The following ARFGAP3 variants were observed in gnomAD, a reference collection of about 807,000 sequenced individuals.
ARFGAP3 encodes the protein ADP-ribosylation factor GTPase-activating protein 3.
In ARFGAP3, 72 loss-of-function variants were observed where a neutral mutation model predicts 75.0. The ratio of observed to expected loss-of-function variants is 0.96; its 90% CI spans 0.79 to 1.17. The LOEUF (loss-of-function observed/expected upper bound fraction) is 1.17. ARFGAP3 is among the 50% of genes most tolerant of loss of function. ARFGAP3 has a pLI of 0.00. For synonymous variants in ARFGAP3, 221 were observed against 217.9 expected (o/e 1.01, Z -0.13); for missense variants, 620 against 626.6 (o/e 0.99, Z 0.11).
chr22:42,829,959 A>G (rs1023563504), intron 6 of ARFGAP3, among the ~76,000 whole-genome samples: 3 of 152,200 alleles, frequency 2.0e-5, no homozygotes, highest in Non-Finnish European at 2.9e-5. Context: ...CAAATAACCC[A>G]TTGTTACCTA....
At chr22:42,836,528 T>C (rs1052395975) in intron 3 of ARFGAP3, among the ~76,000 whole-genome samples, 3 of 152,228 alleles carry the variant, frequency 2.0e-5, no homozygotes, top group African/African-American at 7.2e-5. Flanking sequence ...TTTAGCACTA[T>C]TTTATCATTA....
chr22:42,855,156 G>GTGAC (rs1927442061), intron 1 of ARFGAP3, among the ~76,000 whole-genome samples: 1 of 152,194 alleles, frequency 6.6e-6, no homozygotes, highest in African/African-American at 2.4e-5. Flanking sequence ...CTGTCCAAGG[G>GTGAC]TGACATACCT....
At chr22:42,808,401 A>AG (rs1569138053) in intron 13 of ARFGAP3, among the ~76,000 whole-genome samples, 1 of 151,912 alleles carries the variant, frequency 6.6e-6, no homozygotes, top group Non-Finnish European at 1.5e-5. Context: ...CCGTCTCAAA[A>AG]AAAAAAAAAG....
chr22:42,810,056 C>T lies in ARFGAP3; in HGVS notation c.1196+757G>A, dbSNP rs375503106. On this transcript the variant is annotated intron_variant, in intron 12 of 15. Transcript: ENST00000263245. Reference sequence around the variant, plus strand: ...GGGGAAAAAGGTGAAACCTTCCTGACCTAGGCCACCCCTGACCCATGGATC... The same window carrying T: ...GGGGAAAAAGGTGAAACCTTCCTGATCTAGGCCACCCCTGACCCATGGATC... 6.0e-5 allele frequency among the ~76,000 whole-genome samples: 9 copies of T among 151,036 alleles called. No individual in the cohort carries two copies. The East Asian group carries it at 1.8e-3, about 29-fold the overall frequency.
Position 42,797,402 on chromosome 22 carries a change from C to G in ARFGAP3, c.*186G>C, listed in dbSNP as rs1924649845. The G allele has an allele frequency of 1.4e-6, 1 of 697,984 alleles. No individual in the cohort carries two copies. The highest frequency in any genetic ancestry group is 2.4e-6 in the Non-Finnish European group (1 of 418,952). 43.2% of individuals were successfully genotyped at this position (697,984 alleles called of 1,614,324 possible). A position where few individuals can be genotyped will look rare whatever the true frequency, so the allele number is the denominator to read the frequency against. On this transcript the variant is annotated 3_prime_UTR_variant, in exon 16 of 16. Transcript: ENST00000263245. ...AGGAAGGAACGTGAAACAGAAATCA[C>G]AGGAAAGCTCCTACATCAGAACTCA...
At chr22:42,815,445 T>C (rs891030258) in intron 11 of ARFGAP3, among the ~76,000 whole-genome samples, 3 of 151,750 alleles carry the variant, frequency 2.0e-5, no homozygotes, top group African/African-American at 4.8e-5. Flanking sequence ...ATCCCTGGAC[T>C]TGAAATAATT....
chr22:42,799,357 C>A (rs1379524662), intron 14 of ARFGAP3, 197 bp from the exon 15 acceptor site: 3 of 516,576 alleles, frequency 5.8e-6, no homozygotes, highest in Non-Finnish European at 7.5e-6. Flanking sequence ...ATCCACACGA[C>A]AGAAAATGTA....
Position 42,822,386 on chromosome 22 carries a change from C to T in ARFGAP3, c.696G>A (p.Leu232=). The T allele has an allele frequency of 6.2e-7, 1 of 1,614,064 alleles. No homozygotes were observed. Among genetic ancestry groups the T allele is most frequent in the Non-Finnish European group, 8.5e-7 (1 of 1,179,998 alleles). Residue 232 remains leucine, a synonymous_variant, in exon 9 of 16, where the codon TTG becomes TTA. Transcript: ENST00000263245. ...KKGLGAKKGS[L]GAQKLANTCF... is the part of the protein sequence containing the mutation. ...ATGTGTTTGCCAGTTTCTGAGCTCCCAAACTTCCTTTTTTGGCCCCAAGCT... is the reference window on the plus strand; with the variant it reads ...ATGTGTTTGCCAGTTTCTGAGCTCCTAAACTTCCTTTTTTGGCCCCAAGCT...
chr22:42,824,596 C>G (rs1227421589), intron 7 of ARFGAP3, among the ~76,000 whole-genome samples: 2 of 151,842 alleles, frequency 1.3e-5, no homozygotes, highest in Non-Finnish European at 2.9e-5. Context: ...AACTCCTGGC[C>G]TCAAGTGATC....
At chr22:42,806,862 C>A (rs1179972013) in intron 14 of ARFGAP3, among the ~76,000 whole-genome samples, 3 of 152,194 alleles carry the variant, frequency 2.0e-5, no homozygotes, top group African/African-American at 7.2e-5. Context: ...ACTTGCCAGG[C>A]AATGATGGGA....
Position 42,807,128 on chromosome 22 carries a change from T to G in ARFGAP3, c.1356A>C (p.Ala452=). 6.2e-7 allele frequency: 1 copy of G among 1,613,030 alleles called. No homozygotes were observed. Among genetic ancestry groups the G allele is most frequent in the Non-Finnish European group, 8.5e-7 (1 of 1,179,572 alleles). The part of the protein sequence containing the change: ...ETRARLERLS[A]SSSISSADLF... ...GATCAGCCGAGCTTATGGAGGAACT[T>G]GCCGACAGCCTCTCTAGGCGGGCCC... The change falls in exon 14 of 16, where the codon GCA becomes GCC. Residue 452 remains alanine (A), a synonymous_variant. Coordinates refer to ENST00000263245, the MANE Select transcript of ARFGAP3 (RefSeq NM_014570.5).
intron 2 of ARFGAP3, among the ~76,000 whole-genome samples, chr22:42,842,304 C>CTTTTT (rs58205841): frequency 8.3e-6 from 1 of 120,372 alleles, no homozygotes. Context: ...CGTGCCTGGC[C>CTTTTT]TTTTTTTTTT....
chr22:42,820,716 C>T (rs1282679936), intron 9 of ARFGAP3, among the ~76,000 whole-genome samples: 2 of 152,070 alleles, frequency 1.3e-5, no homozygotes, highest in Non-Finnish European at 2.9e-5. Context: ...GGTTACTTTT[C>T]CTTTCTGTGT....
At chr22:42,836,847 T>G (rs1345368355) in intron 3 of ARFGAP3, among the ~76,000 whole-genome samples, 1 of 152,046 alleles carries the variant, frequency 6.6e-6, no homozygotes, top group Non-Finnish European at 1.5e-5. Flanking sequence ...ATGGGGAAAA[T>G]GAAGCACAGA....
At position 42,799,149 on chromosome 22, in the gene ARFGAP3, G is replaced by A; in HGVS notation, c.1423C>T (p.Leu475=). 3 of 1,614,124 alleles carry A rather than the reference G, an allele frequency of 1.9e-6. No homozygotes were observed. Among genetic ancestry groups the A allele is most frequent in the Non-Finnish European group, 2.5e-6 (3 of 1,180,004 alleles). Residue 475 remains leucine, a synonymous_variant, in exon 15 of 16, where the codon CTG becomes TTG. Coordinates refer to ENST00000263245, the MANE Select transcript of ARFGAP3 (RefSeq NM_014570.5). ...GGGGCGTTGGGCAGCACACTGGACA[G>A]GCTGTAGTTCCCTGCACACACACAG... ...PRKQPAGNYS[L]SSVLPNAPDM...
rs149552037 is a variant in ARFGAP3, at chr22:42,804,484, C to T, written c.1411+2589G>A. Among the ~76,000 whole-genome samples the T allele has an allele frequency of 6.7e-4, 100 of 148,994 alleles. 1 individual carries two copies. In the East Asian group the frequency reaches 0.018, roughly 26 times the overall value. ...GCAACTCCCACCTCCCAGGTTCAAG[C>T]GATACTCCTGCCTCAGCCTCCGGAG... On this transcript the variant is annotated intron_variant, in intron 14 of 15. Coordinates refer to ENST00000263245, the MANE Select transcript of ARFGAP3 (RefSeq NM_014570.5).
intron 2 of ARFGAP3, among the ~76,000 whole-genome samples, chr22:42,842,652 T>C (rs1926837925): frequency 6.6e-6 from 1 of 152,020 alleles, no homozygotes. Context: ...TTTTGCCATG[T>C]TCGCCAGGCT....
chr22:42,813,406 A>AG (rs973215223), intron 11 of ARFGAP3, among the ~76,000 whole-genome samples: 6 of 152,152 alleles, frequency 3.9e-5, no homozygotes, highest in Admixed American at 2.0e-4. Context: ...GTGCAGGGTG[A>AG]GGGTGGGGTG....
intron 11 of ARFGAP3, among the ~76,000 whole-genome samples, chr22:42,815,813 A>G (rs1222959727): frequency 6.6e-6 from 1 of 152,194 alleles, no homozygotes; most frequent in Non-Finnish European, 1.5e-5. Context: ...CTACCTAACA[A>G]TAGTAATCAA....
Sources: allele counts gnomAD v4.1 joint callset (sites outside exome capture counted in the v4.1 genomes callset), GRCh38; gene constraint gnomAD v4.1.1; transcripts MANE v1.5; gene names NCBI Gene and HGNC (gene_info 2026-07-23, HGNC 2026-07-21).